Variants in WDR72 observed in about 807,000 individuals in gnomAD.
WDR72 encodes the protein WD repeat-containing protein 72.
WDR72 carries 120 observed loss-of-function variants against 124.2 expected under a neutral mutation model. The ratio of observed to expected loss-of-function variants is 0.97; its 90% CI spans 0.83 to 1.12. The LOEUF is 1.12. WDR72 is among the 50% of genes most tolerant of loss of function. The pLI, the probability that WDR72 is intolerant of heterozygous loss-of-function variation, is 0.00. For missense variants in WDR72, 1,387 were observed against 1,278.8 expected (o/e 1.08, Z -1.29); for synonymous variants, 452 against 441.7 (o/e 1.02, Z -0.29).
chr15:53,606,147 C>T (rs1019812540), intron 17 of WDR72, among the ~76,000 whole-genome samples: 4 of 152,148 alleles, frequency 2.6e-5, no homozygotes, highest in African/African-American at 9.7e-5. Flanking sequence ...TTAGTCCAAA[C>T]ATGCCCAAAT....
intron 13 of WDR72, among the ~76,000 whole-genome samples, chr15:53,696,939 T>C (rs895588434): frequency 3.3e-5 from 5 of 152,220 alleles, no homozygotes; most frequent in African/African-American, 1.2e-4. Flanking sequence ...AATGGGATTG[T>C]GTCTAAAGAA....
In WDR72 at chr15:53,704,991, T is replaced by G. The variant is rs765869677; in HGVS notation, c.1345A>C (p.Lys449Gln). The change falls in exon 11 of 20, where the codon AAA becomes CAA. Residue 449 changes from lysine (K) to glutamine (Q), a missense_variant. Lys to Gln is a moderately conservative substitution (Grantham distance 53). Transcript: ENST00000360509. ...ARLLEGGSLV[K>Q]DSPPHKVLKG... is the part of the protein sequence containing the mutation. ...GGGTCAAATAAAATTCAAGGACCTT[T>G]TACTAAAGAACCACCTTCCAGAAGT... 6.2e-7 allele frequency: 1 copy of G among 1,613,880 alleles called. No individual in the cohort carries two copies. The highest frequency in any genetic ancestry group is 8.5e-7 in the Non-Finnish European group (1 of 1,180,000).
chr15:53,752,571 G>A (rs1453173277), intron 1 of WDR72, among the ~76,000 whole-genome samples: 1 of 152,100 alleles, frequency 6.6e-6, no homozygotes, highest in African/African-American at 2.4e-5. Flanking sequence ...ACCCTCAGAA[G>A]GAACCAACCC....
chr15:53,721,853 A>G (rs689680), intron 3 of WDR72, among the ~76,000 whole-genome samples: 1 of 151,950 alleles, frequency 6.6e-6, no homozygotes, highest in Admixed American at 6.6e-5. Context: ...AGCCTAGTTC[A>G]TAGTATTTCT....
At chr15:53,662,533 A>G (rs535137146) in intron 14 of WDR72, among the ~76,000 whole-genome samples, 43 of 152,348 alleles carry the variant, frequency 2.8e-4, no homozygotes, top group Middle Eastern at 3.4e-3. Context: ...AAATCCACAC[A>G]CAAAAAAATC....
chr15:53,563,304 A>C (rs1339158718), intron 18 of WDR72, among the ~76,000 whole-genome samples: 1 of 151,772 alleles, frequency 6.6e-6, no homozygotes, highest in Admixed American at 6.6e-5. Flanking sequence ...TATAATATAA[A>C]ATTATTTTAA....
intron 18 of WDR72, among the ~76,000 whole-genome samples, chr15:53,540,679 C>T (rs1893051474): frequency 6.6e-6 from 1 of 152,024 alleles, no homozygotes; most frequent in African/African-American, 2.4e-5. Flanking sequence ...GTCTACAGCT[C>T]CCAGCGTGAG....
chr15:53,574,549 G>A (rs73406274), intron 18 of WDR72, among the ~76,000 whole-genome samples: 8,388 of 152,144 alleles, frequency 0.055, 648 homozygotes, highest in African/African-American at 0.18. Flanking sequence ...AACAAAGAAA[G>A]ATATGATGTA....
chr15:53,659,535 C>T (rs1348248354), intron 14 of WDR72, among the ~76,000 whole-genome samples: 3 of 152,086 alleles, frequency 2.0e-5, no homozygotes, highest in Non-Finnish European at 2.9e-5. Flanking sequence ...TTTAATGGTG[C>T]ATTTTCTACT....
chr15:53,586,321 T>C (rs1023086786), intron 18 of WDR72, among the ~76,000 whole-genome samples: 4 of 152,072 alleles, frequency 2.6e-5, no homozygotes, highest in Admixed American at 1.3e-4. Context: ...TAAATACTAA[T>C]GGACTATTGG....
intron 14 of WDR72, among the ~76,000 whole-genome samples, chr15:53,622,035 AC>A (rs1360399467): frequency 6.6e-6 from 1 of 152,182 alleles, no homozygotes; most frequent in African/African-American, 2.4e-5. Flanking sequence ...GCTCATAATC[AC>A]TGATCATTAG....
chr15:53,611,969 T>G (rs948312864), intron 16 of WDR72, among the ~76,000 whole-genome samples: 1 of 152,124 alleles, frequency 6.6e-6, no homozygotes, highest in Non-Finnish European at 1.5e-5. Context: ...GATCATATGC[T>G]GCACAGCTTT....
In WDR72 at chr15:53,620,989, G is replaced by C. The variant is rs116032436; in HGVS notation, c.1963-4746C>G. Among the ~76,000 whole-genome samples, 1,292 of 151,980 alleles carry C rather than the reference G, an allele frequency of 8.5e-3. 19 individuals are homozygous for C. Among genetic ancestry groups the C allele is most frequent in the African/African-American group, 0.03 (1,250 of 41,452 alleles). ...ACAATTCCATCAAAAACTGGGATAA[G>C]AACATGAATAGAAAATTATCAAAAG... On this transcript the variant is annotated intron_variant, in intron 14 of 19. Coordinates refer to ENST00000360509, the MANE Select transcript of WDR72 (RefSeq NM_182758.4).
At chr15:53,586,562 A>G (rs2012225046) in intron 18 of WDR72, among the ~76,000 whole-genome samples, 1 of 152,054 alleles carries the variant, frequency 6.6e-6, no homozygotes, top group Non-Finnish European at 1.5e-5. Flanking sequence ...TGTACTGTAA[A>G]ATAATTTAAT....
At chr15:53,704,376 A>T (rs1205683370) in intron 11 of WDR72, among the ~76,000 whole-genome samples, 1 of 152,192 alleles carries the variant, frequency 6.6e-6, no homozygotes, top group Non-Finnish European at 1.5e-5. Flanking sequence ...TTATGCTGAT[A>T]TGTGCTTGTA....
At chr15:53,613,329 T>C (rs1411106577) in intron 16 of WDR72, among the ~76,000 whole-genome samples, 4 of 152,058 alleles carry the variant, frequency 2.6e-5, no homozygotes, top group African/African-American at 9.7e-5. Context: ...TGCTGAAAAG[T>C]TTCAAATTTT....
At chr15:53,735,835 CAATA>C (rs1275739903) in intron 1 of WDR72, among the ~76,000 whole-genome samples, 2 of 151,632 alleles carry the variant, frequency 1.3e-5, no homozygotes, top group East Asian at 3.9e-4. Context: ...TATTATAAAT[CAATA>C]AATAGACAAA....
At chr15:53,538,399 T>C (rs775084423) in intron 18 of WDR72, among the ~76,000 whole-genome samples, 3 of 152,218 alleles carry the variant, frequency 2.0e-5, no homozygotes, top group South Asian at 2.1e-4. Flanking sequence ...AATGCTAGTA[T>C]TGAAACTGAA....
chr15:53,739,964 G>A (rs2018464092), intron 1 of WDR72, among the ~76,000 whole-genome samples: 1 of 152,130 alleles, frequency 6.6e-6, no homozygotes, highest in African/African-American at 2.4e-5. Context: ...TAGAACAGTA[G>A]GAGAAGGAAA....
Sources: allele counts gnomAD v4.1 joint callset (sites outside exome capture counted in the v4.1 genomes callset), GRCh38; gene constraint gnomAD v4.1.1; transcripts MANE v1.5; gene names NCBI Gene and HGNC (gene_info 2026-07-23, HGNC 2026-07-21).